The following SPECC1 variants were observed in gnomAD, a reference collection of about 807,000 sequenced individuals.
The protein encoded by SPECC1 is cytospin-B.
A neutral mutation model predicts 104.1 loss-of-function variants in SPECC1; 62 were observed. That is an observed-to-expected ratio of 0.60 (90% CI 0.49 to 0.74). SPECC1 has a LOEUF of 0.74. SPECC1 is among the 30% of genes least tolerant of loss of function. The pLI is 0.00. For missense variants in SPECC1, 1,306 were observed against 1,310.5 expected (o/e 1.00, Z 0.05); for synonymous variants, 513 against 501.6 (o/e 1.02, Z -0.30).
chr17:20,238,343 C>A lies in SPECC1; in HGVS notation c.2351+5938C>A, dbSNP rs1241305502. The A allele has an allele frequency of 5.8e-6, 6 of 1,039,584 alleles. No homozygotes were observed. The East Asian group carries it at 3.5e-4, about 60-fold the overall frequency. The allele number at this position is 1,039,584 out of a possible 1,614,324, so 64.4% of individuals were successfully genotyped here. A position where few individuals can be genotyped will look rare whatever the true frequency, so the allele number is the denominator to read the frequency against. ...CAATTCAAAATGTGATTTTAAACTT[C>A]TGGAAATATGTGTGTTTGTGAAGAT... is the stretch of plus-strand genomic sequence containing the variant. On this transcript the variant is annotated intron_variant, in intron 7 of 14. Coordinates refer to ENST00000395527, the MANE Select transcript of SPECC1 (RefSeq NM_001243439.2).
intron 2 of SPECC1, among the ~76,000 whole-genome samples, chr17:20,104,085 A>C (rs1349720755): frequency 6.6e-6 from 1 of 152,172 alleles, no homozygotes; most frequent in Admixed American, 6.5e-5. Context: ...AGTGGACAAA[A>C]ATCAGCATGT....
At chr17:20,308,802 C>G (rs567114443) in intron 14 of SPECC1, among the ~76,000 whole-genome samples, 5 of 152,108 alleles carry the variant, frequency 3.3e-5, no homozygotes. Context: ...GCAGGGATCT[C>G]CCTTCAGAAA....
intron 4 of SPECC1, among the ~76,000 whole-genome samples, chr17:20,212,345 C>T (rs1054310314): frequency 1.3e-5 from 2 of 152,068 alleles, no homozygotes; most frequent in African/African-American, 4.8e-5. Context: ...TTGAATTAGC[C>T]CGTTTTCATG....
At chr17:20,239,985 C>T (rs532509597) in intron 7 of SPECC1, among the ~76,000 whole-genome samples, 4 of 141,356 alleles carry the variant, frequency 2.8e-5, no homozygotes, top group East Asian at 4.1e-4. Flanking sequence ...CCTCAACCTC[C>T]TGGACTTGAG....
chr17:20,224,304 C>T (rs2038077400), intron 4 of SPECC1, among the ~76,000 whole-genome samples: 1 of 152,174 alleles, frequency 6.6e-6, no homozygotes, highest in South Asian at 2.1e-4. Flanking sequence ...GAAGCCAGCC[C>T]AGCACTGGGT....
chr17:20,065,740 T>G (rs2046335873), intron 1 of SPECC1, among the ~76,000 whole-genome samples: 1 of 152,176 alleles, frequency 6.6e-6, no homozygotes, highest in African/African-American at 2.4e-5. Context: ...GGTCTCTCTG[T>G]GTAACATTCC....
chr17:20,313,901 G>A, intron 14 of SPECC1, 75 bp from the exon 15 acceptor site: 1 of 1,391,922 alleles, frequency 7.2e-7, no homozygotes, highest in African/African-American at 1.4e-5. Flanking sequence ...GCCCTAACCT[G>A]GACTGAAGTC....
Position 20,314,053 on chromosome 17 carries a change from CT to C in SPECC1, c.3198del (p.Phe1066LeufsTer29), listed in dbSNP as rs776552165. ...MQYVAQIYKY[F>X]ET ...AGTACGTGGCCCAAATCTACAAGTA[CT>C]TTGAGACGTAACCCTGGAGGGCCTG... On this transcript the variant is annotated frameshift_variant, in exon 15 of 15. Transcript: ENST00000395527. LOFTEE classifies it high-confidence loss of function. 6.2e-7 allele frequency: 1 copy of C among 1,614,126 alleles called. No individual in the cohort carries two copies. The highest frequency in any genetic ancestry group is 1.7e-5 in the Admixed American group (1 of 60,018).
intron 1 of SPECC1, among the ~76,000 whole-genome samples, chr17:20,066,109 G>A (rs751936742): frequency 2.6e-5 from 4 of 152,082 alleles, no homozygotes; most frequent in Non-Finnish European, 4.4e-5. Context: ...TCTGTTGCTG[G>A]CTAGGTGAAA....
At chr17:20,122,541 T>C (rs1044527008) in intron 3 of SPECC1, among the ~76,000 whole-genome samples, 2 of 152,224 alleles carry the variant, frequency 1.3e-5, no homozygotes, top group Non-Finnish European at 2.9e-5. Flanking sequence ...GGCATTAAGT[T>C]CATTCACATT....
At chr17:20,294,621 A>G (rs1260875525) in intron 12 of SPECC1, among the ~76,000 whole-genome samples, 1 of 108,070 alleles carries the variant, frequency 9.3e-6, no homozygotes, top group African/African-American at 3.1e-5. Flanking sequence ...TATGAAGGTA[A>G]TGACGACGGT....
intron 1 of SPECC1, among the ~76,000 whole-genome samples, chr17:20,051,237 G>A (rs1420352601): frequency 2.6e-5 from 4 of 151,168 alleles, no homozygotes; most frequent in Admixed American, 2.6e-4. Context: ...GTGCAGTGGT[G>A]CAATCTTGGC....
chr17:20,096,642 G>A lies in SPECC1; in HGVS notation c.-10G>A, dbSNP rs142132414. The A allele has an allele frequency of 1.2e-6, 2 of 1,606,858 alleles. No homozygotes were observed. Among genetic ancestry groups the A allele is most frequent in the Non-Finnish European group, 1.7e-6 (2 of 1,175,514 alleles). On this transcript the variant is annotated 5_prime_UTR_variant, in exon 2 of 15. Coordinates refer to ENST00000395527, the MANE Select transcript of SPECC1 (RefSeq NM_001243439.2). The stretch of plus-strand genomic sequence containing the variant: ...CTGCTCTTTTGCAGGACAGACCCAC[G>A]AAGTCAAGCATGCGGAGTGCAGCCA...
intron 5 of SPECC1, among the ~76,000 whole-genome samples, chr17:20,229,552 T>C (rs2038444723): frequency 1.3e-5 from 2 of 152,226 alleles, no homozygotes; most frequent in African/African-American, 4.8e-5. Flanking sequence ...CGCATGCCTT[T>C]AGTCCCAGCT....
At chr17:20,222,833 A>G (rs2037968488) in intron 4 of SPECC1, among the ~76,000 whole-genome samples, 1 of 152,016 alleles carries the variant, frequency 6.6e-6, no homozygotes. Flanking sequence ...TTGTCTGGGA[A>G]AGTCTCTATT....
chr17:20,066,084 A>G (rs7209752), intron 1 of SPECC1, among the ~76,000 whole-genome samples: 142,938 of 152,254 alleles, frequency 0.94, 67,197 homozygotes, highest in African/African-American at 0.99. Flanking sequence ...CCATTTTCTG[A>G]TAATAAAAAC....
chr17:20,088,206 A>G (rs1217855771), intron 1 of SPECC1, among the ~76,000 whole-genome samples: 1 of 152,158 alleles, frequency 6.6e-6, no homozygotes, highest in Non-Finnish European at 1.5e-5. Context: ...GTAGGGAGTG[A>G]TGTGATCTGA....
chr17:20,176,394 C>T (rs904776563), intron 3 of SPECC1, among the ~76,000 whole-genome samples: 26 of 152,190 alleles, frequency 1.7e-4, no homozygotes, highest in African/African-American at 6.3e-4. Flanking sequence ...CAGACAGGTG[C>T]TTCTCCCTAC....
intron 14 of SPECC1, among the ~76,000 whole-genome samples, chr17:20,307,396 G>A (rs1806917219): frequency 6.6e-6 from 1 of 152,136 alleles, no homozygotes; most frequent in Non-Finnish European, 1.5e-5. Context: ...GTGGTTGAAG[G>A]TGGCTGCCAA....
Sources: allele counts gnomAD v4.1 joint callset (sites outside exome capture counted in the v4.1 genomes callset), GRCh38; gene constraint gnomAD v4.1.1; transcripts MANE v1.5; gene names NCBI Gene and HGNC (gene_info 2026-07-23, HGNC 2026-07-21).